Variants in ERC2 observed in about 807,000 individuals in gnomAD.
The protein encoded by ERC2 is ERC protein 2.
ERC2 carries 42 observed loss-of-function variants against 114.8 expected under a neutral mutation model. The observed-to-expected ratio is 0.37, with a 90% confidence interval of 0.29 to 0.47. The LOEUF (loss-of-function observed/expected upper bound fraction) is 0.47. ERC2 is among the 20% of genes least tolerant of loss of function. The pLI is 0.99. For missense variants in ERC2, 939 were observed against 1,150.7 expected, an observed-to-expected ratio of 0.82 and a Z score of 2.66; for synonymous variants, 454 against 425.5, an observed-to-expected ratio of 1.07 and a Z score of -0.82.
chr3:56,274,049 C>T lies in ERC2; in HGVS notation c.1074+21970G>A, dbSNP rs192248463. Among the ~76,000 whole-genome samples the T allele has an allele frequency of 1.3e-4, 20 of 152,304 alleles. No homozygotes were observed. The South Asian group carries it at 1.9e-3, about 14-fold the overall frequency. On this transcript the variant is annotated intron_variant, in intron 3 of 17. Transcript: ENST00000288221. ...ATTGGTTACAGCAGGGGTATCCAAA[C>T]TCCAGGCCGCCAACCATTACTGGTC...
chr3:55,828,388 T>C (rs987682057), intron 14 of ERC2, among the ~76,000 whole-genome samples: 1 of 150,994 alleles, frequency 6.6e-6, no homozygotes, highest in Non-Finnish European at 1.5e-5. Flanking sequence ...GTCCAAAGAG[T>C]AGGGGAGAAA....
intron 6 of ERC2, among the ~76,000 whole-genome samples, chr3:56,088,448 T>G (rs982584947): frequency 6.6e-6 from 1 of 152,032 alleles, no homozygotes; most frequent in Non-Finnish European, 1.5e-5. Flanking sequence ...CCTTCTCCTT[T>G]CATCCCAAAT....
chr3:55,562,817 TTTG>T (rs2056114517), intron 17 of ERC2, among the ~76,000 whole-genome samples: 1 of 152,172 alleles, frequency 6.6e-6, no homozygotes, highest in Admixed American at 6.5e-5. Flanking sequence ...TTTAAATTTT[TTTG>T]TTGTTGTTTA....
chr3:56,268,168 T>C (rs1427464320), intron 3 of ERC2, among the ~76,000 whole-genome samples: 1 of 152,226 alleles, frequency 6.6e-6, no homozygotes, highest in Non-Finnish European at 1.5e-5. Flanking sequence ...ACGTTTTCTA[T>C]GTTTAGAAAT....
chr3:56,078,648 G>T (rs1418538514), intron 7 of ERC2, among the ~76,000 whole-genome samples: 7 of 152,064 alleles, frequency 4.6e-5, no homozygotes, highest in Non-Finnish European at 1.0e-4. Context: ...GGCAGTAGGG[G>T]GTGAGCATGT....
At chr3:55,828,966 T>C (rs968963836) in intron 14 of ERC2, among the ~76,000 whole-genome samples, 2 of 152,158 alleles carry the variant, frequency 1.3e-5, no homozygotes, top group East Asian at 3.9e-4. Flanking sequence ...AGTGAGATCC[T>C]GTCTCTATAA....
At chr3:55,624,198 G>A (rs1170714965) in intron 17 of ERC2, among the ~76,000 whole-genome samples, 1 of 152,106 alleles carries the variant, frequency 6.6e-6, no homozygotes, top group African/African-American at 2.4e-5. Flanking sequence ...TAAGCACAGA[G>A]ATGTGAAAAA....
chr3:56,416,489 T>C (rs1336835186), intron 2 of ERC2, among the ~76,000 whole-genome samples: 3 of 151,282 alleles, frequency 2.0e-5, no homozygotes, highest in African/African-American at 7.3e-5. Flanking sequence ...GTGAGAAGAG[T>C]ATAAAAAGCA....
At chr3:55,866,928 T>G (rs1057066285) in intron 14 of ERC2, among the ~76,000 whole-genome samples, 1 of 152,148 alleles carries the variant, frequency 6.6e-6, no homozygotes. Context: ...ATATCTTTTA[T>G]GATATAAAAG....
intron 3 of ERC2, among the ~76,000 whole-genome samples, chr3:56,207,148 ATAT>A (rs1189401934): frequency 6.6e-6 from 1 of 151,358 alleles, no homozygotes; most frequent in Admixed American, 6.6e-5. Flanking sequence ...CTTTATGATA[ATAT>A]TATGATTTTA....
At chr3:56,056,897 C>G (rs1004875787) in intron 7 of ERC2, among the ~76,000 whole-genome samples, 7 of 152,186 alleles carry the variant, frequency 4.6e-5, no homozygotes, top group Non-Finnish European at 8.8e-5. Flanking sequence ...TTCACTCATT[C>G]TCCATGAATC....
chr3:55,997,880 G>GGTTTTT lies in ERC2; in HGVS notation c.2062-5631_2062-5630insAAAAAC, dbSNP rs1302588153. 1.1e-4 allele frequency among the ~76,000 whole-genome samples: 5 copies of GGTTTTT among 44,788 alleles called. 2 individuals carry two copies. Among genetic ancestry groups the GGTTTTT allele is most frequent in the South Asian group, 1.8e-3 (2 of 1,126 alleles). The allele number at this position is 44,788 out of a possible 152,430, so 29.4% of individuals were successfully genotyped here. Reference sequence around the variant, plus strand: ...TTGAAATGTTATACATCTTAATTCTGTTTTTTTTTTTTTTTTTTTTTTTTT... The same window carrying GGTTTTT: ...TTGAAATGTTATACATCTTAATTCTGGTTTTTTTTTTTTTTTTTTTTTTTTTTTTTT... On this transcript the variant is annotated intron_variant, in intron 10 of 17. Transcript: ENST00000288221.
intron 6 of ERC2, among the ~76,000 whole-genome samples, chr3:56,086,536 C>CAACATG (rs1159516310): frequency 6.6e-6 from 1 of 150,558 alleles, no homozygotes; most frequent in African/African-American, 2.4e-5. Flanking sequence ...GAACCACAGG[C>CAACATG]AATTCACAAG....
At chr3:55,748,929 A>C (rs1282446233) in intron 14 of ERC2, among the ~76,000 whole-genome samples, 2 of 152,196 alleles carry the variant, frequency 1.3e-5, no homozygotes, top group Non-Finnish European at 2.9e-5. Context: ...AAATACAAGG[A>C]GTTTTATTGG....
intron 3 of ERC2, among the ~76,000 whole-genome samples, chr3:56,198,710 T>C (rs74531228): frequency 0.022 from 3,300 of 152,280 alleles, 84 homozygotes; most frequent in Non-Finnish European, 0.03. Context: ...TGACGTTCAG[T>C]CAAAATATGC....
At position 56,010,426 on chromosome 3, in the gene ERC2, T is replaced by C. The variant is rs72880972; in HGVS notation, c.1920+23A>G. On this transcript the variant is annotated intron_variant, in intron 9 of 17. Transcript: ENST00000288221. Reference sequence around the variant, plus strand: ...GGGTTTATGAGGACTATCAATGTGGTTCATTTGTTTTTCCAGACTCACCTC... The same window carrying C: ...GGGTTTATGAGGACTATCAATGTGGCTCATTTGTTTTTCCAGACTCACCTC... 7.6e-3 allele frequency: 12,246 copies of C among 1,610,338 alleles called. 826 individuals are homozygous for C. In the African/African-American group the frequency reaches 0.14, roughly 19 times the overall value.
intron 3 of ERC2, among the ~76,000 whole-genome samples, chr3:56,198,484 G>A (rs991021748): frequency 4.6e-5 from 7 of 152,164 alleles, no homozygotes; most frequent in African/African-American, 1.4e-4. Context: ...CTGAGCTATG[G>A]CAGATGATAG....
rs1422731243 is a variant in ERC2 at position 55,508,642 on chromosome 3, C to A, written c.*2674G>T. 1 of 152,566 alleles carries A rather than the reference C, an allele frequency of 6.6e-6. No individual in the cohort carries two copies. The highest frequency in any genetic ancestry group is 1.5e-5 in the Non-Finnish European group (1 of 68,032). 9.5% of individuals were successfully genotyped at this position (152,566 alleles called of 1,614,324 possible). A position where few individuals can be genotyped will look rare whatever the true frequency, so the allele number is the denominator to read the frequency against. On this transcript the variant is annotated 3_prime_UTR_variant, in exon 18 of 18. Transcript: ENST00000288221. ...GACCCTGGGCAGCATTCAATCGCCA[C>A]TCTACACAAAAACATTGCAGATAGA...
At chr3:56,105,944 AGAAAAATGGGT>A in intron 6 of ERC2, among the ~76,000 whole-genome samples, 1 of 152,370 alleles carries the variant, frequency 6.6e-6, no homozygotes, top group African/African-American at 2.4e-5. Flanking sequence ...CTTGAAAGTC[AGAAAAATGGGT>A]AGAGGATCTA....
Sources: gnomAD v4.1 joint callset for allele counts (sites outside exome capture counted in the v4.1 genomes callset) on GRCh38, gnomAD v4.1.1 for gene constraint, MANE v1.5 for transcripts, NCBI Gene and HGNC (gene_info 2026-07-23, HGNC 2026-07-21) for gene names.